The following TAFA5 variants were observed in gnomAD, a reference collection of about 807,000 sequenced individuals.
TAFA5 encodes TAFA chemokine like family member 5, also known as chemokine-like protein TAFA-5.
Under a neutral mutation model 15.3 loss-of-function variants are expected in TAFA5, and 6 were observed. The ratio of observed to expected loss-of-function variants is 0.39; its 90% CI spans 0.21 to 0.77. TAFA5 has a LOEUF of 0.77. TAFA5 is among the 30% of genes least tolerant of loss of function. The pLI is 0.41. For missense variants in TAFA5, 161 were observed against 193.1 expected, an observed-to-expected ratio of 0.83 and a Z score of 0.98; for synonymous variants, 103 against 80.7, an observed-to-expected ratio of 1.28 and a Z score of -1.48.
chr22:48,603,465 T>G (rs1344871775), intron 1 of TAFA5, among the ~76,000 whole-genome samples: 2 of 152,208 alleles, frequency 1.3e-5, no homozygotes, highest in African/African-American at 4.8e-5. Flanking sequence ...CTTGTGCCCC[T>G]GCCTGCTGGT....
chr22:48,648,056 G>A (rs1270355373), intron 2 of TAFA5, among the ~76,000 whole-genome samples: 4 of 152,308 alleles, frequency 2.6e-5, no homozygotes, highest in South Asian at 2.1e-4. Context: ...TAGGGGTGTC[G>A]CTGGCCAGTG....
chr22:48,682,694 AC>A (rs1257598889), intron 2 of TAFA5, among the ~76,000 whole-genome samples: 1 of 152,158 alleles, frequency 6.6e-6, no homozygotes, highest in Non-Finnish European at 1.5e-5. Flanking sequence ...CAAAAGCCTG[AC>A]GGCATTTGCA....
At chr22:48,537,591 C>G (rs1922213273) in intron 1 of TAFA5, among the ~76,000 whole-genome samples, 1 of 152,260 alleles carries the variant, frequency 6.6e-6, no homozygotes, top group Non-Finnish European at 1.5e-5. Context: ...GACCCAGAAG[C>G]TGGCAGCAAG....
chr22:48,549,584 C>T (rs541802078), intron 1 of TAFA5, among the ~76,000 whole-genome samples: 3 of 152,194 alleles, frequency 2.0e-5, no homozygotes, highest in East Asian at 1.9e-4. Context: ...CAAAAGCAGG[C>T]GCAGGTGCCT....
chr22:48,599,467 G>A (rs996609217), intron 1 of TAFA5, among the ~76,000 whole-genome samples: 24 of 152,256 alleles, frequency 1.6e-4, no homozygotes, highest in African/African-American at 5.8e-4. Context: ...TGCTGGTTGT[G>A]GGCAGGTGGG....
At chr22:48,630,389 G>A (rs1926175331) in intron 1 of TAFA5, among the ~76,000 whole-genome samples, 1 of 152,218 alleles carries the variant, frequency 6.6e-6, no homozygotes, top group South Asian at 2.1e-4. Context: ...GACAGGCACA[G>A]AGAAAAGGAG....
chr22:48,634,139 C>CACTT (rs1377269973), intron 1 of TAFA5, among the ~76,000 whole-genome samples: 3 of 149,694 alleles, frequency 2.0e-5, no homozygotes, highest in Non-Finnish European at 4.5e-5. Flanking sequence ...CTCACTCACT[C>CACTT]ACTCATTTAT....
At position 48,598,476 on chromosome 22, in the gene TAFA5, G is replaced by A. The variant is rs1483934239; in HGVS notation, c.113-48121G>A. Among the ~76,000 whole-genome samples the A allele has an allele frequency of 2.0e-5, 3 of 152,078 alleles. No individual in the cohort carries two copies. Among genetic ancestry groups the A allele is most frequent in the Non-Finnish European group, 4.4e-5 (3 of 68,004 alleles). Reference sequence around the variant, plus strand: ...TGAGGGAGACCACACAGGAAGGGACGTCTCCTCCTGGTGCCACCTCCTGGG... The same window carrying A: ...TGAGGGAGACCACACAGGAAGGGACATCTCCTCCTGGTGCCACCTCCTGGG... On this transcript the variant is annotated intron_variant, in intron 1 of 3. Transcript: ENST00000402357. The surrounding 1 kb of genome is among the most constrained non-coding windows in gnomAD (Gnocchi z 4.0).
At chr22:48,732,586 C>T (rs1175952369) in intron 3 of TAFA5, among the ~76,000 whole-genome samples, 2 of 152,186 alleles carry the variant, frequency 1.3e-5, no homozygotes, top group Non-Finnish European at 2.9e-5. Flanking sequence ...GAATCTGCCC[C>T]TGGTGAAGAT....
intron 1 of TAFA5, chr22:48,576,421 T>G: frequency 1.6e-6 from 2 of 1,274,608 alleles, no homozygotes; most frequent in Non-Finnish European, 2.0e-6. Context: ...GGGGCGCTGA[T>G]GCGGCGCCTG....
At chr22:48,687,514 C>G (rs1196734675) in intron 2 of TAFA5, among the ~76,000 whole-genome samples, 2 of 152,128 alleles carry the variant, frequency 1.3e-5, no homozygotes, top group African/African-American at 4.8e-5. Context: ...ACTATGAAGC[C>G]TTCTGTGAGC....
chr22:48,540,501 C>A (rs1922328125), intron 1 of TAFA5, among the ~76,000 whole-genome samples: 1 of 152,108 alleles, frequency 6.6e-6, no homozygotes. Flanking sequence ...GGCACATAAG[C>A]CTTTGACTTC....
At chr22:48,633,532 G>GTCTGTCTCTCTCTCTCTCTCTCTC (rs1555894461) in intron 1 of TAFA5, among the ~76,000 whole-genome samples, 1 of 138,768 alleles carries the variant, frequency 7.2e-6, no homozygotes, top group East Asian at 2.3e-4. Flanking sequence ...CTGTCTGTCT[G>GTCTGTCTCTCTCTCTCTCTCTCTC]TCTCTCCCTC....
intron 3 of TAFA5, among the ~76,000 whole-genome samples, chr22:48,741,965 C>G (rs948116306): frequency 6.6e-6 from 1 of 152,244 alleles, no homozygotes; most frequent in African/African-American, 2.4e-5. Context: ...CTCTCTTAGG[C>G]TGAACTCTTG....
At chr22:48,700,695 G>A (rs778573751) in intron 2 of TAFA5, among the ~76,000 whole-genome samples, 1 of 152,152 alleles carries the variant, frequency 6.6e-6, no homozygotes, top group Non-Finnish European at 1.5e-5. Context: ...GGCAGGGCTC[G>A]TCCTGTCTGC....
intron 3 of TAFA5, among the ~76,000 whole-genome samples, chr22:48,740,517 G>A (rs958417602): frequency 2.0e-5 from 3 of 152,212 alleles, no homozygotes; most frequent in East Asian, 1.9e-4. Context: ...GCTGTGCCCC[G>A]GCCTCAGTTG....
chr22:48,657,408 C>T (rs1055109082), intron 2 of TAFA5, among the ~76,000 whole-genome samples: 2 of 152,116 alleles, frequency 1.3e-5, no homozygotes, highest in Non-Finnish European at 2.9e-5. Flanking sequence ...ACAAGAAAAG[C>T]CCAGGACCAG....
chr22:48,498,491 T>C (rs1920937232), intron 1 of TAFA5, among the ~76,000 whole-genome samples: 2 of 152,054 alleles, frequency 1.3e-5, no homozygotes, highest in Non-Finnish European at 2.9e-5. Context: ...TAGTAGGACT[T>C]TTCTCGTTGC....
At chr22:48,579,289 G>T (rs1283936806) in intron 1 of TAFA5, among the ~76,000 whole-genome samples, 1 of 152,234 alleles carries the variant, frequency 6.6e-6, no homozygotes, top group African/African-American at 2.4e-5. Context: ...GCAGCCACAG[G>T]CCCAGGAAGA....
Sources: gnomAD v4.1 joint callset for allele counts (sites outside exome capture counted in the v4.1 genomes callset) on GRCh38, gnomAD v4.1.1 for gene constraint, Gnocchi (gnomAD v3.1) non-coding constraint, MANE v1.5 for transcripts, NCBI Gene and HGNC (gene_info 2026-07-23, HGNC 2026-07-21) for gene names.